EPRS1: variants seen among roughly 807,000 people sequenced by gnomAD.
EPRS1 encodes the protein glutamyl-prolyl-tRNA synthetase 1.
EPRS1 carries 107 observed loss-of-function variants against 188.3 expected under a neutral mutation model. That is an observed-to-expected ratio of 0.57 (90% CI 0.49 to 0.67). The LOEUF is 0.67. EPRS1 is among the 30% of genes least tolerant of loss of function. The pLI is 0.00. For missense variants in EPRS1, 1,577 were observed against 1,802.2 expected, an observed-to-expected ratio of 0.88 and a Z score of 2.26; for synonymous variants, 596 against 593.1, an observed-to-expected ratio of 1.00 and a Z score of -0.07.
At chr1:220,034,250 T>C (rs1360565119) in intron 3 of EPRS1, among the ~76,000 whole-genome samples, 3 of 152,216 alleles carry the variant, frequency 2.0e-5, no homozygotes, top group Non-Finnish European at 4.4e-5. Flanking sequence ...ATACGTATTG[T>C]GTTACAATTA....
chr1:219,983,423 A>C, intron 21 of EPRS1, 25 bp from the exon 22 acceptor site: 1 of 1,565,800 alleles, frequency 6.4e-7, no homozygotes, highest in South Asian at 1.2e-5. Context: ...AATAGTCTTT[A>C]AAGCTTACAT....
At chr1:220,040,002 A>C (rs995001118) in intron 2 of EPRS1, among the ~76,000 whole-genome samples, 183 bp downstream of exon 2, 4 of 152,168 alleles carry the variant, frequency 2.6e-5, no homozygotes, top group African/African-American at 9.7e-5. Context: ...GTGTGGAGGC[A>C]TGTGCCTGCA....
At chr1:220,014,187 G>A (rs1349828220) in intron 12 of EPRS1, among the ~76,000 whole-genome samples, 2 of 152,106 alleles carry the variant, frequency 1.3e-5, no homozygotes, top group African/African-American at 4.8e-5. Context: ...AATTAGCTGG[G>A]CGTGGTGGCA....
chr1:220,032,786 G>A (rs1196530807), intron 4 of EPRS1, among the ~76,000 whole-genome samples: 1 of 152,130 alleles, frequency 6.6e-6, no homozygotes, highest in African/African-American at 2.4e-5. Flanking sequence ...GGGACCTGGT[G>A]AGGGTGGATG....
At position 219,980,858 on chromosome 1, in the gene EPRS1, C is replaced by G; in HGVS notation, c.3454-1G>C. ...GCTGAGGATGCTTGAATTCCCAACGCTGGAAGAGGCAAGAAAACAATTTAG... is the reference window on the plus strand; with the variant it reads ...GCTGAGGATGCTTGAATTCCCAACGGTGGAAGAGGCAAGAAAACAATTTAG... On this transcript the variant is annotated splice_acceptor_variant, in intron 24 of 31. Transcript: ENST00000366923. LOFTEE classifies it high-confidence loss of function. 2 of 1,604,550 alleles carry G rather than the reference C, an allele frequency of 1.2e-6. No homozygotes were observed. The highest frequency in any genetic ancestry group is 1.7e-6 in the Non-Finnish European group (2 of 1,173,184).
intron 15 of EPRS1, among the ~76,000 whole-genome samples, chr1:220,005,571 C>T (rs1410227239): frequency 1.3e-5 from 2 of 152,040 alleles, no homozygotes; most frequent in African/African-American, 2.4e-5. Flanking sequence ...CATAAACTGG[C>T]CTCAAAAAAC....
intron 7 of EPRS1, 104 bp downstream of exon 7, chr1:220,025,028 C>G (rs1558059060): frequency 9.0e-7 from 1 of 1,108,590 alleles, no homozygotes; most frequent in East Asian, 2.4e-5. Context: ...GGGAAAAAAG[C>G]AGCTATGAGA....
At position 219,981,429 on chromosome 1, in the gene EPRS1, T is replaced by C. The variant is rs1250761195; in HGVS notation, c.3402A>G (p.Val1134=). 6.2e-7 allele frequency: 1 copy of C among 1,606,304 alleles called. No homozygotes were observed. The highest frequency in any genetic ancestry group is 1.3e-5 in the African/African-American group (1 of 74,892). The change falls in exon 24 of 32, where the codon GTA becomes GTG. Residue 1134 remains valine (V), a synonymous_variant. Transcript: ENST00000366923. ...TVMYPAYAKW[V]QSHRDLPIKL... ...TGATGGGCAGGTCTCTGTGTGACTGTACCCATTTTGCATATGCAGGATACA... is the reference window on the plus strand; with the variant it reads ...TGATGGGCAGGTCTCTGTGTGACTGCACCCATTTTGCATATGCAGGATACA...
In EPRS1 at chr1:220,046,490, C is replaced by T. The variant is rs1662406690; in HGVS notation, c.-102G>A. 2.0e-6 allele frequency: 3 copies of T among 1,528,334 alleles called. No homozygotes were observed. In the South Asian group the frequency reaches 3.6e-5, roughly 18 times the overall value. The allele number at this position is 1,528,334 out of a possible 1,614,324, so 94.7% of individuals were successfully genotyped here. On this transcript the variant is annotated 5_prime_UTR_variant, in exon 1 of 32. Coordinates refer to ENST00000366923, the MANE Select transcript of EPRS1 (RefSeq NM_004446.3). ...AGATGCAACGTGTGCGCGTACCCGA[C>T]GCCGCCGCAGCCTTCGCTCCGCCCC...
intron 18 of EPRS1, among the ~76,000 whole-genome samples, chr1:219,995,193 G>T (rs1469032039): frequency 6.6e-6 from 1 of 152,112 alleles, no homozygotes. Flanking sequence ...AAGAAATTTA[G>T]ATCTTTTTAC....
chr1:220,022,200 A>T, intron 9 of EPRS1, 147 bp downstream of exon 9: 1 of 651,396 alleles, frequency 1.5e-6, no homozygotes, highest in Non-Finnish European at 2.7e-6. Context: ...GAAAGGCTAC[A>T]TGCCTTTACA....
At chr1:220,033,722 AT>A in intron 3 of EPRS1, 64 bp from the exon 4 acceptor site, 1 of 1,296,328 alleles carries the variant, frequency 7.7e-7, no homozygotes, top group South Asian at 1.3e-5. Context: ...AAGAAAGACC[AT>A]AAAAAAATTC....
At chr1:220,009,380 G>A (rs1661557513) in intron 13 of EPRS1, among the ~76,000 whole-genome samples, 1 of 152,254 alleles carries the variant, frequency 6.6e-6, no homozygotes, top group Non-Finnish European at 1.5e-5. Context: ...GTCTGTGAAC[G>A]TAATTTTCAG....
At chr1:220,042,367 C>T (rs1662313464) in intron 1 of EPRS1, among the ~76,000 whole-genome samples, 1 of 151,178 alleles carries the variant, frequency 6.6e-6, no homozygotes. Context: ...CCTGTAGTCC[C>T]AGCTACTTGG....
At chr1:219,984,335 T>C (rs888140003) in intron 20 of EPRS1, 78 bp from the exon 21 acceptor site, 16 of 965,638 alleles carry the variant, frequency 1.7e-5, no homozygotes, top group South Asian at 1.3e-5. Flanking sequence ...ACCTCTAAAG[T>C]TCAAAATAGA....
At chr1:220,038,500 T>C (rs1037219490) in intron 2 of EPRS1, among the ~76,000 whole-genome samples, 2 of 149,764 alleles carry the variant, frequency 1.3e-5, no homozygotes, top group African/African-American at 4.9e-5. Flanking sequence ...CAGGTGATCA[T>C]CCTGCCTCAG....
chr1:219,973,725 G>A (rs941692907), intron 28 of EPRS1, among the ~76,000 whole-genome samples: 2 of 152,078 alleles, frequency 1.3e-5, no homozygotes, highest in Non-Finnish European at 1.5e-5. Context: ...GGGGTTAAAC[G>A]AAGACTTTTT....
intron 18 of EPRS1, 53 bp downstream of exon 18, chr1:219,996,930 A>C (rs1389257993): frequency 6.6e-7 from 1 of 1,508,168 alleles, no homozygotes; most frequent in Non-Finnish European, 8.8e-7. Context: ...TACTCTAAGC[A>C]GTTTGAATTC....
chr1:219,992,551 T>C (rs953365128), intron 18 of EPRS1, among the ~76,000 whole-genome samples: 7 of 152,228 alleles, frequency 4.6e-5, no homozygotes, highest in Non-Finnish European at 8.8e-5. Flanking sequence ...TGAGTCTTGG[T>C]TGCAACTATT....
Sources: gnomAD v4.1 joint callset for allele counts (sites outside exome capture counted in the v4.1 genomes callset) on GRCh38, gnomAD v4.1.1 for gene constraint, MANE v1.5 for transcripts, NCBI Gene and HGNC (gene_info 2026-07-23, HGNC 2026-07-21) for gene names.